MTMR2: variants seen among roughly 807,000 people sequenced by gnomAD.
The protein encoded by MTMR2 is phosphatidylinositol-3,5-bisphosphate 3-phosphatase MTMR2.
In MTMR2, 55 loss-of-function variants were observed where a neutral mutation model predicts 86.9. The ratio of observed to expected loss-of-function variants is 0.63; its 90% CI spans 0.51 to 0.79. The LOEUF is 0.79. Among genes scored for constraint, MTMR2 ranks in the 30% least tolerant of loss-of-function variants. The pLI is 0.00. For missense variants in MTMR2, 659 were observed against 772.3 expected, an observed-to-expected ratio of 0.85 and a Z score of 1.74; for synonymous variants, 241 against 266.8, an observed-to-expected ratio of 0.90 and a Z score of 0.94.
intron 11 of MTMR2, 87 bp from the exon 12 acceptor site, chr11:95,841,796 T>C (rs2135417589): frequency 1.8e-6 from 2 of 1,130,962 alleles, no homozygotes; most frequent in East Asian, 2.4e-5. Context: ...AATTGGTCAA[T>C]AGTCTAAAAA....
chr11:95,876,379 T>A (rs1199380842), intron 2 of MTMR2, among the ~76,000 whole-genome samples: 1 of 152,172 alleles, frequency 6.6e-6, no homozygotes, highest in Non-Finnish European at 1.5e-5. Context: ...TACATAACCC[T>A]CAGATATGAG....
chr11:95,844,935 T>C lies in MTMR2; in HGVS notation c.1386+18A>G. 1.3e-6 allele frequency: 2 copies of C among 1,574,488 alleles called. No individual in the cohort carries two copies. The highest frequency in any genetic ancestry group is 1.7e-6 in the Non-Finnish European group (2 of 1,147,000). On this transcript the variant is annotated intron_variant, in intron 11 of 14. Coordinates refer to ENST00000346299, the MANE Select transcript of MTMR2 (RefSeq NM_016156.6). ...ATGAATGCATGTGATATATCCAAAG[T>C]CAAGGTTCCTTACTTACTAGTTGAA... is the stretch of plus-strand genomic sequence containing the variant.
chr11:95,853,776 T>C (rs1197745819), intron 7 of MTMR2, among the ~76,000 whole-genome samples: 1 of 152,222 alleles, frequency 6.6e-6, no homozygotes, highest in Non-Finnish European at 1.5e-5. Flanking sequence ...GAAGGTATTA[T>C]ATGAATTTGA....
chr11:95,848,323 C>T (rs527261555), intron 9 of MTMR2, among the ~76,000 whole-genome samples: 1 of 152,234 alleles, frequency 6.6e-6, no homozygotes, highest in South Asian at 2.1e-4. Flanking sequence ...TCTTCACCTC[C>T]CTGCCTCTTC....
At chr11:95,874,331 T>C (rs1865012612) in intron 2 of MTMR2, among the ~76,000 whole-genome samples, 1 of 152,218 alleles carries the variant, frequency 6.6e-6, no homozygotes, top group South Asian at 2.1e-4. Flanking sequence ...GTTGAATTGA[T>C]CCCTTTACCA....
At chr11:95,885,917 A>T (rs1279936525) in intron 2 of MTMR2, among the ~76,000 whole-genome samples, 1 of 152,168 alleles carries the variant, frequency 6.6e-6, no homozygotes, top group Non-Finnish European at 1.5e-5. Flanking sequence ...AATGGCACTC[A>T]CTTTACCTCT....
chr11:95,836,105 C>CTGCATGAA (rs765914011), intron 14 of MTMR2, 43 bp downstream of exon 14: 1 of 1,568,220 alleles, frequency 6.4e-7, no homozygotes, highest in South Asian at 1.1e-5. Flanking sequence ...CAAAGTTGCA[C>CTGCATGAA]TGCATGAATG....
At chr11:95,923,415 GAA>G (rs1415932477) in intron 1 of MTMR2, among the ~76,000 whole-genome samples, 2 of 152,150 alleles carry the variant, frequency 1.3e-5, no homozygotes, top group Non-Finnish European at 2.9e-5. Context: ...GTGAAGCCAT[GAA>G]AAGAGAGAAA....
In MTMR2 at chr11:95,865,597, G is replaced by A. The variant is rs760282236; in HGVS notation, c.262+4C>T. Reference sequence around the variant, plus strand: ...GACATTAAGCAAAAAATACCATTACGGACCCATGTCTTTAATATTTTCTCC... The same window carrying A: ...GACATTAAGCAAAAAATACCATTACAGACCCATGTCTTTAATATTTTCTCC... On this transcript the variant is annotated splice_donor_region_variant and intron_variant, in intron 3 of 14. Coordinates refer to ENST00000346299, the MANE Select transcript of MTMR2 (RefSeq NM_016156.6). 8.7e-5 allele frequency: 138 copies of A among 1,589,852 alleles called. No homozygotes were observed. Among genetic ancestry groups the A allele is most frequent in the African/African-American group, 1.1e-4 (8 of 74,668 alleles).
chr11:95,865,410 CA>C (rs920768440), intron 3 of MTMR2, 190 bp downstream of exon 3: 8 of 604,596 alleles, frequency 1.3e-5, no homozygotes, highest in Non-Finnish European at 2.1e-5. Context: ...GGAGTTCAAA[CA>C]CAAACACTAG....
intron 11 of MTMR2, among the ~76,000 whole-genome samples, chr11:95,842,859 T>C (rs1465043393): frequency 6.6e-6 from 1 of 152,172 alleles, no homozygotes; most frequent in East Asian, 1.9e-4. Context: ...AAAAAGTCCA[T>C]TTCTCTTATG....
At chr11:95,882,161 A>C (rs1402900853) in intron 2 of MTMR2, among the ~76,000 whole-genome samples, 1 of 152,010 alleles carries the variant, frequency 6.6e-6, no homozygotes, top group East Asian at 1.9e-4. Context: ...ATAGATCTGC[A>C]TATTTTCAGT....
At chr11:95,865,545 A>G (rs1308615370) in intron 3 of MTMR2, 56 bp downstream of exon 3, 7 of 1,471,818 alleles carry the variant, frequency 4.8e-6, no homozygotes, top group Non-Finnish European at 6.7e-6. Context: ...GAGAGTACTG[A>G]ACATTCTGCA....
At chr11:95,898,386 A>C (rs1197918910) in intron 1 of MTMR2, among the ~76,000 whole-genome samples, 1 of 152,078 alleles carries the variant, frequency 6.6e-6, no homozygotes, top group Non-Finnish European at 1.5e-5. Context: ...AGTGCCTACA[A>C]TATGTAAGAT....
chr11:95,891,096 G>A (rs1865698603), intron 1 of MTMR2, among the ~76,000 whole-genome samples: 1 of 152,164 alleles, frequency 6.6e-6, no homozygotes, highest in Admixed American at 6.5e-5. Context: ...AAATTATGGA[G>A]AGTGTATTAT....
At chr11:95,851,393 C>T (rs1023136977) in intron 7 of MTMR2, among the ~76,000 whole-genome samples, 6 of 150,928 alleles carry the variant, frequency 4.0e-5, no homozygotes, top group African/African-American at 1.5e-4. Flanking sequence ...GACAGAGTTT[C>T]GCTCTTGTTG....
chr11:95,884,146 C>T (rs80099084), intron 2 of MTMR2, among the ~76,000 whole-genome samples: 10 of 152,272 alleles, frequency 6.6e-5, no homozygotes, highest in East Asian at 3.9e-4. Context: ...TGCAACACGT[C>T]GCTGTCTGCA....
intron 1 of MTMR2, among the ~76,000 whole-genome samples, chr11:95,891,834 G>C (rs1045848620): frequency 9.9e-5 from 15 of 152,260 alleles, no homozygotes; most frequent in East Asian, 3.9e-4. Flanking sequence ...CACAGAGAGA[G>C]AGAAAGGGGG....
In MTMR2 at chr11:95,834,243, T is replaced by A. The variant is rs1239152626; in HGVS notation, c.*1047A>T. 3 of 152,542 alleles carry A rather than the reference T, an allele frequency of 2.0e-5. No homozygotes were observed. Among genetic ancestry groups the A allele is most frequent in the Non-Finnish European group, 2.9e-5 (2 of 67,992 alleles). The allele number at this position is 152,542 out of a possible 1,614,324, so 9.4% of individuals were successfully genotyped here. A position where few individuals can be genotyped will look rare whatever the true frequency, so the allele number is the denominator to read the frequency against. On this transcript the variant is annotated 3_prime_UTR_variant, in exon 15 of 15. Coordinates refer to ENST00000346299, the MANE Select transcript of MTMR2 (RefSeq NM_016156.6). ...GCACCAAACTCTTACTTGTAGCAGG[T>A]GAACAGTGAAGCAAGATTTCTTTTA...
Sources: allele counts gnomAD v4.1 joint callset (sites outside exome capture counted in the v4.1 genomes callset), GRCh38; gene constraint gnomAD v4.1.1; transcripts MANE v1.5; gene names NCBI Gene and HGNC (gene_info 2026-07-23, HGNC 2026-07-21).